The following ARFGAP3 variants were observed in gnomAD, a reference collection of about 807,000 sequenced individuals.
ARFGAP3 encodes ADP-ribosylation factor GTPase-activating protein 3.
In ARFGAP3, 72 loss-of-function variants were observed where a neutral mutation model predicts 75.0. The observed-to-expected ratio is 0.96, with a 90% CI of 0.79 to 1.17. ARFGAP3 has a LOEUF of 1.17. Among genes scored for constraint, ARFGAP3 ranks in the 50% most tolerant of loss-of-function variants. The pLI, the probability that ARFGAP3 is intolerant of heterozygous loss-of-function variation, is 0.00. For synonymous variants in ARFGAP3, 221 were observed against 217.9 expected, an observed-to-expected ratio of 1.01 and a Z score of -0.13; for missense variants, 620 against 626.6, an observed-to-expected ratio of 0.99 and a Z score of 0.11.
At chr22:42,844,998 G>A (rs1327798799) in intron 2 of ARFGAP3, among the ~76,000 whole-genome samples, 9 of 152,214 alleles carry the variant, frequency 5.9e-5, no homozygotes, top group South Asian at 2.1e-4. Context: ...CTTCCCTCAC[G>A]GAGGAACACA....
At chr22:42,814,708 G>A (rs1020244015) in intron 11 of ARFGAP3, among the ~76,000 whole-genome samples, 2 of 152,154 alleles carry the variant, frequency 1.3e-5, no homozygotes, top group African/African-American at 4.8e-5. Flanking sequence ...TACCAACCCG[G>A]CTACCAAGCA....
At chr22:42,818,003 T>C in intron 9 of ARFGAP3, 146 bp from the exon 10 acceptor site, 4 of 1,143,302 alleles carry the variant, frequency 3.5e-6, no homozygotes, top group Admixed American at 3.5e-5. Flanking sequence ...GTTGGTGTTT[T>C]TTCTACCTGC....
intron 15 of ARFGAP3, 130 bp downstream of exon 15, chr22:42,798,909 T>C (rs989394409): frequency 3.7e-5 from 28 of 760,544 alleles, no homozygotes; most frequent in Admixed American, 9.7e-5. Context: ...TTCTGGGTTA[T>C]AGTGTAGCAA....
chr22:42,810,736 T>C (rs937926343), intron 12 of ARFGAP3, 77 bp downstream of exon 12: 3 of 1,306,574 alleles, frequency 2.3e-6, no homozygotes, highest in African/African-American at 1.5e-5. Flanking sequence ...AGGGTTTTCA[T>C]GTCATCATGT....
chr22:42,827,435 C>T (rs969218306), intron 6 of ARFGAP3, among the ~76,000 whole-genome samples: 5 of 152,154 alleles, frequency 3.3e-5, no homozygotes, highest in Non-Finnish European at 5.9e-5. Flanking sequence ...GGCACGATCT[C>T]GGCTCACTGC....
intron 6 of ARFGAP3, 92 bp downstream of exon 6, chr22:42,831,457 C>T: frequency 1.5e-6 from 2 of 1,313,632 alleles, no homozygotes; most frequent in South Asian, 1.3e-5. Flanking sequence ...CAGGCATGAG[C>T]CACTGTGCCT....
chr22:42,843,972 T>C (rs8139302), intron 2 of ARFGAP3, among the ~76,000 whole-genome samples: 7,386 of 152,186 alleles, frequency 0.049, 288 homozygotes, highest in African/African-American at 0.11. Flanking sequence ...ACTTATAAAT[T>C]ATTTTTCCTC....
intron 12 of ARFGAP3, among the ~76,000 whole-genome samples, chr22:42,810,157 T>C (rs2146533628): frequency 6.6e-6 from 1 of 151,986 alleles, no homozygotes; most frequent in Non-Finnish European, 1.5e-5. Context: ...GCACTTCCTA[T>C]TTAGAATCAG....
chr22:42,808,565 T>C (rs536678307), intron 13 of ARFGAP3, among the ~76,000 whole-genome samples: 2 of 152,342 alleles, frequency 1.3e-5, no homozygotes, highest in Middle Eastern at 3.4e-3. Flanking sequence ...GTCCTTGTCT[T>C]GTAAACATTC....
At chr22:42,816,833 C>T (rs1167539280) in intron 11 of ARFGAP3, among the ~76,000 whole-genome samples, 2 of 152,186 alleles carry the variant, frequency 1.3e-5, no homozygotes, top group Non-Finnish European at 2.9e-5. Context: ...CTGGACTAAA[C>T]AACACATACC....
At chr22:42,852,258 C>T (rs1927309206) in intron 1 of ARFGAP3, among the ~76,000 whole-genome samples, 2 of 151,584 alleles carry the variant, frequency 1.3e-5, no homozygotes, top group Admixed American at 1.3e-4. Context: ...GAGGTTTCAC[C>T]ATGTTGCCCA....
chr22:42,819,041 G>T (rs1257037052), intron 9 of ARFGAP3, among the ~76,000 whole-genome samples: 2 of 151,750 alleles, frequency 1.3e-5, no homozygotes, highest in Non-Finnish European at 2.9e-5. Flanking sequence ...TCGAACTCCT[G>T]ACCTCAGGCG....
In ARFGAP3 at chr22:42,857,185, T is replaced by A. The variant is rs376766678; in HGVS notation, c.-3A>T. The A allele has an allele frequency of 6.0e-6, 9 of 1,512,012 alleles. No individual in the cohort carries two copies. In the African/African-American group the frequency reaches 1.0e-4, roughly 17 times the overall value. The allele number at this position is 1,512,012 out of a possible 1,614,324, so 93.7% of individuals were successfully genotyped here. A position where few individuals can be genotyped will look rare whatever the true frequency, so the allele number is the denominator to read the frequency against. On this transcript the variant is annotated 5_prime_UTR_variant, in exon 1 of 16. Transcript: ENST00000263245. ...TCCTGCTTGCTGGGGTCCCCCATCG[T>A]CAGCTGTGAGCCGCGGCGCAGCTGG...
chr22:42,830,105 C>T (rs556120189), intron 6 of ARFGAP3, among the ~76,000 whole-genome samples: 2 of 152,144 alleles, frequency 1.3e-5, no homozygotes, highest in South Asian at 4.2e-4. Flanking sequence ...ACAAAGGAAG[C>T]GACTCCTTTT....
In ARFGAP3 at chr22:42,857,111, T is replaced by G; in HGVS notation, c.69+3A>C. 2 of 1,510,092 alleles carry G rather than the reference T, an allele frequency of 1.3e-6. No homozygotes were observed. Among genetic ancestry groups the G allele is most frequent in the Non-Finnish European group, 1.8e-6 (2 of 1,127,744 alleles). 93.5% of individuals were successfully genotyped at this position (1,510,092 alleles called of 1,614,324 possible). ...CAGGCCCGCACTCGCCCGCGGCCGC[T>G]ACCTTGTTAGTGGGCACCGAGCGGA... On this transcript the variant is annotated splice_donor_region_variant and intron_variant, in intron 1 of 15. Coordinates refer to ENST00000263245, the MANE Select transcript of ARFGAP3 (RefSeq NM_014570.5).
intron 15 of ARFGAP3, among the ~76,000 whole-genome samples, chr22:42,797,947 A>G (rs1353969826): frequency 6.6e-6 from 1 of 152,208 alleles, no homozygotes; most frequent in African/African-American, 2.4e-5. Context: ...GGGAAACGGA[A>G]GACAAAGGAA....
Position 42,817,742 on chromosome 22 carries a change from C to G in ARFGAP3, c.928G>C (p.Gly310Arg). The G allele has an allele frequency of 6.2e-7, 1 of 1,612,526 alleles. No homozygotes were observed. Among genetic ancestry groups the G allele is most frequent in the Non-Finnish European group, 8.5e-7 (1 of 1,179,348 alleles). Residue 310 changes from glycine to arginine, a missense_variant, in exon 10 of 16, where the codon GGA becomes CGA. Gly to Arg is a moderately radical substitution (Grantham distance 125). Transcript: ENST00000263245. ...AGTCTCACATACCTTCTGCAATTTC[C>G]AAATCCCATGCCGAGTCTGTCTGAG... ...VDSDRLGMGFGNCRSVISHSV... is the reference protein window; with the variant it reads ...VDSDRLGMGFRNCRSVISHSV...
intron 1 of ARFGAP3, among the ~76,000 whole-genome samples, chr22:42,854,103 T>C (rs1002311042): frequency 6.6e-6 from 1 of 152,218 alleles, no homozygotes; most frequent in Non-Finnish European, 1.5e-5. Context: ...CACACTGTGC[T>C]TCAGAGCAGA....
intron 11 of ARFGAP3, among the ~76,000 whole-genome samples, chr22:42,812,841 T>C (rs141950027): frequency 6.6e-6 from 1 of 152,344 alleles, no homozygotes; most frequent in African/African-American, 2.4e-5. Context: ...GAAAACGTGG[T>C]GTTCAAAGTG....
Sources: allele counts gnomAD v4.1 joint callset (sites outside exome capture counted in the v4.1 genomes callset), GRCh38; gene constraint gnomAD v4.1.1; transcripts MANE v1.5; gene names NCBI Gene and HGNC (gene_info 2026-07-23, HGNC 2026-07-21).